Variants in TSC22D2 observed in about 807,000 individuals in gnomAD.
The protein encoded by TSC22D2 is TSC22 domain family protein 2.
A neutral mutation model predicts 50.1 loss-of-function variants in TSC22D2; 5 were observed. The observed-to-expected ratio is 0.10, with a 90% CI of 0.05 to 0.21. The LOEUF (loss-of-function observed/expected upper bound fraction) is 0.21. Among genes scored for constraint, TSC22D2 ranks in the 10% least tolerant of loss-of-function variants. The pLI is 1.00. For synonymous variants in TSC22D2, 501 were observed against 450.1 expected (o/e 1.11, Z -1.43); for missense variants, 1,003 against 1,015.5 (o/e 0.99, Z 0.17).
chr3:150,413,104 G>C (rs531235705), intron 1 of TSC22D2, among the ~76,000 whole-genome samples: 2 of 152,104 alleles, frequency 1.3e-5, no homozygotes, highest in Non-Finnish European at 2.9e-5. Context: ...ACTTTAGTAC[G>C]ATGATAAGGC....
intron 1 of TSC22D2, among the ~76,000 whole-genome samples, chr3:150,449,591 T>G (rs1339414166): frequency 6.6e-6 from 1 of 152,178 alleles, no homozygotes; most frequent in Non-Finnish European, 1.5e-5. Flanking sequence ...TTTTAATAGA[T>G]GCATACTATT....
chr3:150,444,953 C>A (rs112599181), intron 1 of TSC22D2, among the ~76,000 whole-genome samples: 1 of 152,090 alleles, frequency 6.6e-6, no homozygotes, highest in Non-Finnish European at 1.5e-5. Context: ...CGTTATACCA[C>A]TTTTCTTATT....
chr3:150,430,305 T>G (rs75111782), intron 1 of TSC22D2, among the ~76,000 whole-genome samples: 3,261 of 152,156 alleles, frequency 0.021, 117 homozygotes, highest in African/African-American at 0.075. Flanking sequence ...AAGGATAAAG[T>G]TAAATTTGGT....
At chr3:150,456,188 T>G (rs1288644913) in intron 1 of TSC22D2, among the ~76,000 whole-genome samples, 1 of 146,878 alleles carries the variant, frequency 6.8e-6, no homozygotes, top group East Asian at 1.9e-4. Flanking sequence ...TTGTTTTTTT[T>G]TTTTTTGTTT....
intron 1 of TSC22D2, among the ~76,000 whole-genome samples, chr3:150,415,700 A>T (rs1049075843): frequency 1.3e-5 from 2 of 152,154 alleles, no homozygotes; most frequent in African/African-American, 4.8e-5. Flanking sequence ...CTATAGTCTT[A>T]GCTACTTGGG....
At position 150,464,554 on chromosome 3, in the gene TSC22D2, G is replaced by A. The variant is rs1473092757; in HGVS notation, c.*5918G>A. On this transcript the variant is annotated 3_prime_UTR_variant, in exon 3 of 3. Transcript: ENST00000688009. Reference sequence around the variant, plus strand: ...CTCCAATGAGCTCAGTCCAGTGTAAGTGTAAAAGTTAAAGTGCCATATTGT... The same window carrying A: ...CTCCAATGAGCTCAGTCCAGTGTAAATGTAAAAGTTAAAGTGCCATATTGT... 1 of 152,142 alleles carries A rather than the reference G, an allele frequency of 6.6e-6. No individual in the cohort carries two copies. The highest frequency in any genetic ancestry group is 2.4e-5 in the African/African-American group (1 of 41,434). The allele number at this position is 152,142 out of a possible 1,614,324, so 9.4% of individuals were successfully genotyped here. A position where few individuals can be genotyped will look rare whatever the true frequency, so the allele number is the denominator to read the frequency against.
intron 1 of TSC22D2, among the ~76,000 whole-genome samples, chr3:150,455,226 TGTG>T (rs1279506638): frequency 6.6e-6 from 1 of 152,214 alleles, no homozygotes; most frequent in East Asian, 1.9e-4. Flanking sequence ...GTTCAGTATT[TGTG>T]GTGAATATGT....
chr3:150,455,473 T>G (rs1193707943), intron 1 of TSC22D2, among the ~76,000 whole-genome samples: 1 of 152,232 alleles, frequency 6.6e-6, no homozygotes, highest in Non-Finnish European at 1.5e-5. Context: ...TATGCTGTAA[T>G]TAATGTGGTT....
rs1325625886 is a variant in TSC22D2 at position 150,409,935 on chromosome 3, G to A, written c.585G>A (p.Leu195=). The A allele has an allele frequency of 1.9e-6, 3 of 1,613,898 alleles. No individual in the cohort carries two copies. The change falls in exon 1 of 3, where the codon CTG becomes CTA. Residue 195 remains leucine, a synonymous_variant. Transcript: ENST00000688009. This position sits in a 1 kb window ranked among gnomAD's most constrained non-coding sequence, Gnocchi z 7.4. ...YYERDSDSSV[L]TRSGDCIRHS... ...AGAGGGATTCAGACAGCAGCGTCCT[G>A]ACTAGATCCGGGGATTGCATTAGAC... is the stretch of plus-strand genomic sequence containing the variant.
intron 1 of TSC22D2, among the ~76,000 whole-genome samples, chr3:150,416,541 CCA>C (rs1441145661): frequency 1.4e-4 from 22 of 152,096 alleles, no homozygotes; most frequent in Middle Eastern, 3.4e-3. Flanking sequence ...TGTATTGAGT[CCA>C]CAGAGAATAT....
chr3:150,460,316 C>T lies in TSC22D2; in HGVS notation c.*1680C>T, dbSNP rs1721357009. The T allele has an allele frequency of 6.6e-6, 1 of 152,122 alleles. No individual in the cohort carries two copies. The highest frequency in any genetic ancestry group is 1.5e-5 in the Non-Finnish European group (1 of 68,012). 9.4% of individuals were successfully genotyped at this position (152,122 alleles called of 1,614,324 possible). On this transcript the variant is annotated 3_prime_UTR_variant, in exon 3 of 3. Transcript: ENST00000688009. ...TGTTAGTGATACTTAAGTAGGAAAT[C>T]CTTGTCTACCAAAACTTTTACTTGA...
intron 1 of TSC22D2, among the ~76,000 whole-genome samples, chr3:150,430,238 A>G (rs922219713): frequency 1.3e-5 from 2 of 152,132 alleles, no homozygotes; most frequent in East Asian, 3.9e-4. Flanking sequence ...GGGGAAGGGA[A>G]CATTCCAGTT....
chr3:150,427,128 A>G (rs1393995641), intron 1 of TSC22D2, among the ~76,000 whole-genome samples: 1 of 152,192 alleles, frequency 6.6e-6, no homozygotes, highest in Non-Finnish European at 1.5e-5. Context: ...GTTATCCCAA[A>G]TGGTAAAACT....
chr3:150,436,518 AAAGT>A, intron 1 of TSC22D2, among the ~76,000 whole-genome samples: 1 of 152,332 alleles, frequency 6.6e-6, no homozygotes, highest in Non-Finnish European at 1.5e-5. Flanking sequence ...TGTCCTATAA[AAAGT>A]AAATCTTCAA....
intron 2 of TSC22D2, 147 bp downstream of exon 2, chr3:150,457,274 C>T: frequency 2.7e-6 from 2 of 752,602 alleles, no homozygotes; most frequent in Middle Eastern, 7.5e-4. Flanking sequence ...GTTGAAGATG[C>T]TAGAACGTTG....
Position 150,409,304 on chromosome 3 carries a change from G to C in TSC22D2, c.-47G>C. ...CTCTGCCCTCCCCGGTTTCCGACAG[G>C]ACCCAGAGGAGCCGGCGTGCCTCTC... is the stretch of plus-strand genomic sequence containing the variant. On this transcript the variant is annotated 5_prime_UTR_variant, in exon 1 of 3. Transcript: ENST00000688009. This position sits in a 1 kb window ranked among gnomAD's most constrained non-coding sequence, Gnocchi z 7.4. The C allele has an allele frequency of 6.5e-7, 1 of 1,537,434 alleles. No individual in the cohort carries two copies. Among genetic ancestry groups the C allele is most frequent in the Non-Finnish European group, 8.8e-7 (1 of 1,139,082 alleles).
chr3:150,426,419 C>A (rs1451587811), intron 1 of TSC22D2, among the ~76,000 whole-genome samples: 3 of 152,168 alleles, frequency 2.0e-5, no homozygotes, highest in African/African-American at 7.2e-5. Flanking sequence ...CTGATGATCA[C>A]TGGGGAGCGG....
intron 1 of TSC22D2, among the ~76,000 whole-genome samples, chr3:150,433,950 C>T (rs1004195564): frequency 4.6e-5 from 7 of 152,082 alleles, no homozygotes; most frequent in Non-Finnish European, 7.4e-5. Context: ...TGGTGCATGC[C>T]TGTAATCCCA....
rs1418354217 is a variant in TSC22D2 at position 150,459,255 on chromosome 3, ATTTAC to A, written c.*622_*626del. 1 of 152,658 alleles carries A rather than the reference ATTTAC, an allele frequency of 6.6e-6. No individual in the cohort carries two copies. The highest frequency in any genetic ancestry group is 1.5e-5 in the Non-Finnish European group (1 of 68,064). The allele number at this position is 152,658 out of a possible 1,614,324, so 9.5% of individuals were successfully genotyped here. A position where few individuals can be genotyped will look rare whatever the true frequency, so the allele number is the denominator to read the frequency against. ...TGGCATATTTCTAACACTAATGGCA[ATTTAC>A]TTATGGTATTTATTTTCAGTAGTAA... On this transcript the variant is annotated 3_prime_UTR_variant, in exon 3 of 3. Coordinates refer to ENST00000688009, the MANE Select transcript of TSC22D2 (RefSeq NM_001303264.2).
Sources: allele counts gnomAD v4.1 joint callset (sites outside exome capture counted in the v4.1 genomes callset), GRCh38; gene constraint gnomAD v4.1.1; non-coding constraint Gnocchi (gnomAD v3.1); transcripts MANE v1.5; gene names NCBI Gene and HGNC (gene_info 2026-07-23, HGNC 2026-07-21).